Variants in PTK6 observed in about 807,000 individuals in gnomAD.
The protein encoded by PTK6 is protein tyrosine kinase 6, also known as protein-tyrosine kinase 6.
PTK6 carries 47 observed loss-of-function variants against 47.5 expected under a neutral mutation model. That is an observed-to-expected ratio of 0.99 (90% confidence interval 0.78 to 1.26). The LOEUF (loss-of-function observed/expected upper bound fraction) is 1.26. PTK6 is among the 50% of genes most tolerant of loss of function. The probability of loss-of-function intolerance (pLI) is 0.00; values close to 1 mark genes in which losing one functional copy is unlikely to be tolerated. For missense variants in PTK6, 618 were observed against 625.3 expected (o/e 0.99, Z 0.12); for synonymous variants, 287 against 276.5 (o/e 1.04, Z -0.38).
chr20:63,531,072 G>T, intron 5 of PTK6, 145 bp from the exon 6 acceptor site: 1 of 765,892 alleles, frequency 1.3e-6, no homozygotes, highest in Non-Finnish European at 2.0e-6. Flanking sequence ...TGGCCTGATT[G>T]AAAATTGGAA....
At position 63,530,709 on chromosome 20, in the gene PTK6, C is replaced by G. The variant is rs201083928; in HGVS notation, c.1014+37G>C. ...AGCCCCCAGCCCTCCGGCCACGCCCCGGCCACGACCCCAGCCACGCCCTCT... is the reference window on the plus strand; with the variant it reads ...AGCCCCCAGCCCTCCGGCCACGCCCGGGCCACGACCCCAGCCACGCCCTCT... On this transcript the variant is annotated intron_variant, in intron 6 of 7. Transcript: ENST00000542869. The surrounding 1 kb of genome is among the most constrained non-coding windows in gnomAD (Gnocchi z 4.1). 24 of 1,604,804 alleles carry G rather than the reference C, an allele frequency of 1.5e-5. No individual in the cohort carries two copies. Among genetic ancestry groups the G allele is most frequent in the Admixed American group, 1.4e-4 (8 of 57,822 alleles).
In PTK6 at chr20:63,528,189, A is replaced by G. The variant is rs557841179; in HGVS notation, c.*1347T>C. ...AACGTATCAGATTTCTAGGAATTTT[A>G]TAGAGTTTCTGCAACATTCATATCA... On this transcript the variant is annotated 3_prime_UTR_variant, in exon 8 of 8. Coordinates refer to ENST00000542869, the MANE Select transcript of PTK6 (RefSeq NM_005975.4). 6.6e-5 allele frequency: 10 copies of G among 152,302 alleles called. No homozygotes were observed. Among genetic ancestry groups the G allele is most frequent in the African/African-American group, 2.4e-4 (10 of 41,564 alleles). 9.4% of individuals were successfully genotyped at this position (152,302 alleles called of 1,614,324 possible). A position where few individuals can be genotyped will look rare whatever the true frequency, so the allele number is the denominator to read the frequency against.
At chr20:63,535,374 G>A (rs2082656575) in intron 1 of PTK6, among the ~76,000 whole-genome samples, 1 of 151,936 alleles carries the variant, frequency 6.6e-6, no homozygotes, top group African/African-American at 2.4e-5. Flanking sequence ...GCTGCCCAGA[G>A]CTGCCTGCAC....
rs1307754404 is a variant in PTK6, at chr20:63,530,154, G to C, written c.1092C>G (p.Tyr364Ter). 6.2e-7 allele frequency: 1 copy of C among 1,614,126 alleles called. No homozygotes were observed. The highest frequency in any genetic ancestry group is 2.2e-5 in the East Asian group (1 of 44,890). Residue 364 changes from tyrosine (Y) to a stop codon, truncating the protein, a stop_gained, in exon 7 of 8, where the codon TAC becomes TAG. Transcript: ENST00000542869. LOFTEE classifies it high-confidence loss of function. The surrounding 1 kb of genome is among the most constrained non-coding windows in gnomAD (Gnocchi z 4.1). ...TAPEALSRGH[Y>*]STKSDVWSFG... ...AGGACCAGACGTCGGATTTGGTGGA[G>C]TAATGGCCTCGGGAGAGCGCTTCAG...
chr20:63,535,753 C>G (rs931308791), intron 1 of PTK6, among the ~76,000 whole-genome samples: 1 of 136,086 alleles, frequency 7.3e-6, no homozygotes, highest in African/African-American at 3.1e-5. Context: ...CCTCCAACCA[C>G]CTGGCCTCCC....
Position 63,532,661 on chromosome 20 carries a change from G to A in PTK6, c.697C>T (p.Gln233Ter). ...RDNLLHQQML[Q>*]SEIQAMKKLR... ...TTCTTCATGGCCTGGATCTCCGACTGCAGCATCTGCTGGTGCAGGAGGTTG... is the reference window on the plus strand; with the variant it reads ...TTCTTCATGGCCTGGATCTCCGACTACAGCATCTGCTGGTGCAGGAGGTTG... Residue 233 changes from glutamine (Q) to a stop codon, truncating the protein, a stop_gained, in exon 5 of 8, where the codon CAG becomes TAG. Transcript: ENST00000542869. LOFTEE classifies it high-confidence loss of function. The A allele has an allele frequency of 1.2e-6, 2 of 1,614,070 alleles. No homozygotes were observed. The highest frequency in any genetic ancestry group is 2.2e-5 in the South Asian group (2 of 91,084).
In PTK6 at chr20:63,534,070, G is replaced by C. The variant is rs768726255; in HGVS notation, c.516+82C>G. ...AGTCAGGACCCCTCCCATGCTGCCCGGCCAACCTCTCCCAGTAGGAAATGC... is the reference window on the plus strand; with the variant it reads ...AGTCAGGACCCCTCCCATGCTGCCCCGCCAACCTCTCCCAGTAGGAAATGC... On this transcript the variant is annotated intron_variant, in intron 3 of 7. Coordinates refer to ENST00000542869, the MANE Select transcript of PTK6 (RefSeq NM_005975.4). 12 of 1,451,360 alleles carry C rather than the reference G, an allele frequency of 8.3e-6. No individual in the cohort carries two copies. In the East Asian group the frequency reaches 3.0e-4, roughly 36 times the overall value. The allele number at this position is 1,451,360 out of a possible 1,614,324, so 89.9% of individuals were successfully genotyped here.
rs370344358 is a variant in PTK6 at position 63,534,276 on chromosome 20, C to A, written c.392G>T (p.Arg131Leu). 3 of 1,608,674 alleles carry A rather than the reference C, an allele frequency of 1.9e-6. No individual in the cohort carries two copies. Among genetic ancestry groups the A allele is most frequent in the East Asian group, 4.5e-5 (2 of 44,786 alleles). The change falls in exon 3 of 8, where the codon CGG becomes CTG. Residue 131 changes from arginine (R) to leucine (L), a missense_variant. Transcript: ENST00000542869. ...TQAVRHYKIW[R>L]RAGGRLHLNE... ...CAGGTGCAGCCGGCCCCCGGCACGC[C>A]GCCAGATCTTGTAGTGCCGCACAGC...
chr20:63,531,886 G>T (rs922723330), intron 5 of PTK6, among the ~76,000 whole-genome samples: 3 of 152,236 alleles, frequency 2.0e-5, no homozygotes, highest in African/African-American at 7.2e-5. Context: ...GTGTGAGGGC[G>T]AGGGGTACGG....
Position 63,534,132 on chromosome 20 carries a change from A to C in PTK6, c.516+20T>G, listed in dbSNP as rs1398359817. 6.5e-7 allele frequency: 1 copy of C among 1,536,784 alleles called. No homozygotes were observed. Among genetic ancestry groups the C allele is most frequent in the Non-Finnish European group, 8.8e-7 (1 of 1,142,448 alleles). ...CCCCCAGCCTGACCCCGCGTGACCAAGTCAGGGCGGAGCGGCTACCTTCCG... is the reference window on the plus strand; with the variant it reads ...CCCCCAGCCTGACCCCGCGTGACCACGTCAGGGCGGAGCGGCTACCTTCCG... On this transcript the variant is annotated intron_variant, in intron 3 of 7. Coordinates refer to ENST00000542869, the MANE Select transcript of PTK6 (RefSeq NM_005975.4).
At position 63,537,131 on chromosome 20, in the gene PTK6, C is replaced by T. The variant is rs1213162833; in HGVS notation, c.184G>A (p.Val62Met). The change falls in exon 1 of 8, where the codon GTG (valine) becomes ATG (methionine). Residue 62 changes from valine to methionine, a missense_variant. Val to Met is a conservative substitution (Grantham distance 21, BLOSUM62 1). Coordinates refer to ENST00000542869, the MANE Select transcript of PTK6 (RefSeq NM_005975.4). ...CTCTCGGCCAGGTAGTTGTGGGGCA[C>T]ATAGCCCTGGGCCACGGCCCCACCC... ...EAGGAVAQGY[V>M]PHNYLAERET... The T allele has an allele frequency of 6.2e-7, 1 of 1,611,120 alleles. No individual in the cohort carries two copies. The highest frequency in any genetic ancestry group is 2.2e-5 in the East Asian group (1 of 44,746).
At chr20:63,534,534 C>A (rs1273425908) in intron 2 of PTK6, among the ~76,000 whole-genome samples, 3 of 152,210 alleles carry the variant, frequency 2.0e-5, no homozygotes, top group Admixed American at 1.3e-4. Context: ...TGCCAGGCAG[C>A]CAGTGGCCTC....
chr20:63,532,312 T>TGCATGTGC (rs1167266244), intron 5 of PTK6, among the ~76,000 whole-genome samples: 6 of 122,926 alleles, frequency 4.9e-5, no homozygotes, highest in African/African-American at 3.3e-4. Flanking sequence ...TGTGTCTGTG[T>TGCATGTGC]GTGCATGTGT....
chr20:63,531,009 C>T (rs1600932232), intron 5 of PTK6, 82 bp from the exon 6 acceptor site: 3 of 1,282,480 alleles, frequency 2.3e-6, no homozygotes, highest in Admixed American at 3.0e-5. Context: ...GGCCATGTCT[C>T]ATCTGCCTCC....
chr20:63,531,401 A>G (rs2082618237), intron 5 of PTK6, among the ~76,000 whole-genome samples: 1 of 138,434 alleles, frequency 7.2e-6, no homozygotes, highest in Non-Finnish European at 1.5e-5. Flanking sequence ...AGCCTGGGCG[A>G]CAGAGCCAGA....
In PTK6 at chr20:63,537,086, G is replaced by A. The variant is rs1251186162; in HGVS notation, c.229C>T (p.Pro77Ser). The part of the protein sequence containing the change: ...LAERETVESE[P>S]WFFGCISRSE... ...CTCCCAGCAGCCTAGGACACGCACG[G>A]TTCCGACTCCACCGTCTCCCTCTCG... is the stretch of plus-strand genomic sequence containing the variant. The change falls in exon 1 of 8, where the codon CCG (proline) becomes TCG (serine). Residue 77 changes from proline (P) to serine (S), a missense_variant and splice_region_variant. Physicochemically the swap from Pro to Ser is moderately conservative, Grantham distance 74 (BLOSUM62 -1). Coordinates refer to ENST00000542869, the MANE Select transcript of PTK6 (RefSeq NM_005975.4). 1.2e-6 allele frequency: 2 copies of A among 1,608,080 alleles called. No individual in the cohort carries two copies. The highest frequency in any genetic ancestry group is 2.2e-5 in the East Asian group (1 of 44,456).
At chr20:63,536,559 C>A (rs1362514762) in intron 1 of PTK6, among the ~76,000 whole-genome samples, 1 of 151,982 alleles carries the variant, frequency 6.6e-6, no homozygotes, top group East Asian at 2.0e-4. Context: ...GAAGCCAGGG[C>A]CAGGCCACAC....
In PTK6 at chr20:63,534,951, G is replaced by GTCGGCAC; in HGVS notation, c.332_338dup (p.Asp113GlufsTer66). On this transcript the variant is annotated frameshift_variant, in exon 2 of 8. Transcript: ENST00000542869. LOFTEE classifies it high-confidence loss of function. Reference sequence around the variant, plus strand: ...CCGGGGCCGCACCCGACAGGACGTAGTCGGCACTCGGCTTCTCGCTGACCC... The same window carrying GTCGGCAC: ...CCGGGGCCGCACCCGACAGGACGTAGTCGGCACTCGGCACTCGGCTTCTCGCTGACCC... 1.9e-6 allele frequency: 3 copies of GTCGGCAC among 1,603,992 alleles called. No individual in the cohort carries two copies. Among genetic ancestry groups the GTCGGCAC allele is most frequent in the Non-Finnish European group, 2.6e-6 (3 of 1,176,246 alleles).
Position 63,530,193 on chromosome 20 carries a change from G to T in PTK6, c.1053C>A (p.Tyr351Ter), listed in dbSNP as rs768732889. ...VYLSHDHNIP[Y>*]KWTAPEALSR... ...AGAGCGCTTCAGGGGCCGTCCACTT[G>T]TAGGGGATATTGTGGTCATGGGAGA... Residue 351 changes from tyrosine to a stop codon, truncating the protein, a stop_gained, in exon 7 of 8, where the codon TAC becomes TAA. Transcript: ENST00000542869. LOFTEE classifies it high-confidence loss of function. The surrounding 1 kb of genome is among the most constrained non-coding windows in gnomAD (Gnocchi z 4.1). 6.2e-7 allele frequency: 1 copy of T among 1,614,062 alleles called. No individual in the cohort carries two copies. Among genetic ancestry groups the T allele is most frequent in the Non-Finnish European group, 8.5e-7 (1 of 1,179,976 alleles).
Sources: gnomAD v4.1 joint callset for allele counts (sites outside exome capture counted in the v4.1 genomes callset) on GRCh38, gnomAD v4.1.1 for gene constraint, Gnocchi (gnomAD v3.1) non-coding constraint, MANE v1.5 for transcripts, NCBI Gene and HGNC (gene_info 2026-07-23, HGNC 2026-07-21) for gene names.